Variants in HIPK3 observed in about 807,000 individuals in gnomAD.
The protein encoded by HIPK3 is homeodomain interacting protein kinase 3.
In HIPK3, 47 loss-of-function variants were observed where a neutral mutation model predicts 124.2. The observed-to-expected ratio is 0.38, with a 90% CI of 0.30 to 0.48. HIPK3 has a LOEUF of 0.48. HIPK3 is among the 20% of genes least tolerant of loss of function. The pLI is 0.98. For synonymous variants in HIPK3, 482 were observed against 515.2 expected, an observed-to-expected ratio of 0.94 and a Z score of 0.87; for missense variants, 1,286 against 1,454.3, an observed-to-expected ratio of 0.88 and a Z score of 1.88.
rs746761117 is a variant in HIPK3 at position 33,286,867 on chromosome 11, T to C, written c.453T>C (p.Pro151=). The C allele has an allele frequency of 1.9e-6, 3 of 1,614,204 alleles. No individual in the cohort carries two copies. Among genetic ancestry groups the C allele is most frequent in the East Asian group, 2.2e-5 (1 of 44,886 alleles). ...TTGTCGATGAATTGTCCATACTTCC[T>C]GCAATGTTGCAAACCAACATGGGAA... is the stretch of plus-strand genomic sequence containing the variant. ...MQIVDELSIL[P]AMLQTNMGNP... is the part of the protein sequence containing the mutation. The change falls in exon 2 of 17, where the codon CCT becomes CCC. Residue 151 remains proline, a synonymous_variant. Coordinates refer to ENST00000303296, the MANE Select transcript of HIPK3 (RefSeq NM_005734.5).
chr11:33,286,371 CTTTCCTTTTTTTTCT>C (rs2133901037), intron 1 of HIPK3, 27 bp from the exon 2 acceptor site: 1 of 1,373,194 alleles, frequency 7.3e-7, no homozygotes, highest in African/African-American at 1.5e-5. Context: ...AATATTTCTT[CTTTCCTTTTTTTTCT>C]TTTCCTTTTT....
At chr11:33,276,769 G>A (rs1430629520) in intron 1 of HIPK3, among the ~76,000 whole-genome samples, 2 of 152,082 alleles carry the variant, frequency 1.3e-5, no homozygotes, top group African/African-American at 4.8e-5. Context: ...GCAGTGGCAT[G>A]ATCTTGGCTC....
rs1851805778 is a variant in HIPK3, at chr11:33,295,188, A to T, written c.1097+7677A>T. Among the ~76,000 whole-genome samples, 3 of 152,158 alleles carry T rather than the reference A, an allele frequency of 2.0e-5. No individual in the cohort carries two copies. The South Asian group carries it at 6.2e-4, about 32-fold the overall frequency. On this transcript the variant is annotated intron_variant, in intron 2 of 16. Coordinates refer to ENST00000303296, the MANE Select transcript of HIPK3 (RefSeq NM_005734.5). Reference sequence around the variant, plus strand: ...GAGGATCATAAAATGTGCCAGGACGAGACGCTTTTAGAGGCTGTGCCCAGG... The same window carrying T: ...GAGGATCATAAAATGTGCCAGGACGTGACGCTTTTAGAGGCTGTGCCCAGG...
chr11:33,315,577 T>A (rs1852477832), intron 2 of HIPK3, among the ~76,000 whole-genome samples: 1 of 152,158 alleles, frequency 6.6e-6, no homozygotes, highest in Admixed American at 6.5e-5. Flanking sequence ...TGCCCAGCCT[T>A]GTCTCGAACT....
chr11:33,278,933 T>C (rs1408322762), intron 1 of HIPK3, among the ~76,000 whole-genome samples: 1 of 152,144 alleles, frequency 6.6e-6, no homozygotes, highest in Non-Finnish European at 1.5e-5. Flanking sequence ...AAAATGGAGA[T>C]TTGAACAAAT....
intron 7 of HIPK3, 142 bp downstream of exon 7, chr11:33,341,269 C>T (rs1853325865): frequency 1.7e-6 from 1 of 601,544 alleles, no homozygotes; most frequent in Non-Finnish European, 2.8e-6. Context: ...TACCAAATCT[C>T]TTAAAATTCC....
At chr11:33,300,929 G>C (rs1023025858) in intron 2 of HIPK3, among the ~76,000 whole-genome samples, 1 of 152,062 alleles carries the variant, frequency 6.6e-6, no homozygotes, top group Non-Finnish European at 1.5e-5. Context: ...TAGAGACAGG[G>C]TTTTGCCATG....
At chr11:33,352,455 C>A (rs1251266676) in intron 16 of HIPK3, among the ~76,000 whole-genome samples, 190 bp downstream of exon 16, 1 of 152,184 alleles carries the variant, frequency 6.6e-6, no homozygotes, top group Non-Finnish European at 1.5e-5. Context: ...GAACTTGTAG[C>A]CTTTTTCAGA....
chr11:33,308,992 A>T (rs1852247714), intron 2 of HIPK3, among the ~76,000 whole-genome samples: 1 of 152,124 alleles, frequency 6.6e-6, no homozygotes. Flanking sequence ...TAAAATAAAA[A>T]GGATGGATTT....
intron 1 of HIPK3, among the ~76,000 whole-genome samples, chr11:33,280,032 G>T (rs1429717928): frequency 6.6e-6 from 1 of 152,124 alleles, no homozygotes; most frequent in Non-Finnish European, 1.5e-5. Flanking sequence ...CTGAGGGGAG[G>T]TGGGGGGGAC....
chr11:33,262,735 A>G (rs1048657762), intron 1 of HIPK3, among the ~76,000 whole-genome samples: 3 of 151,886 alleles, frequency 2.0e-5, no homozygotes, highest in South Asian at 4.2e-4. Flanking sequence ...TTGACCTTAA[A>G]TGTATTTTGT....
chr11:33,269,633 TTCTTC>T (rs1221920663), intron 1 of HIPK3, among the ~76,000 whole-genome samples: 1 of 152,152 alleles, frequency 6.6e-6, no homozygotes, highest in Non-Finnish European at 1.5e-5. Flanking sequence ...CTTTTTCTGT[TTCTTC>T]TAAACTTCTT....
At chr11:33,282,180 A>G (rs1851428489) in intron 1 of HIPK3, among the ~76,000 whole-genome samples, 1 of 151,520 alleles carries the variant, frequency 6.6e-6, no homozygotes, top group African/African-American at 2.4e-5. Context: ...TGAACCCAGG[A>G]GTTCGAGACC....
intron 2 of HIPK3, among the ~76,000 whole-genome samples, chr11:33,309,414 A>AG (rs1393947170): frequency 3.9e-5 from 6 of 152,206 alleles, no homozygotes; most frequent in African/African-American, 1.4e-4. Flanking sequence ...CACCCAGCCC[A>AG]AACTTGCTTA....
chr11:33,276,220 C>T (rs1851265237), intron 1 of HIPK3, among the ~76,000 whole-genome samples: 1 of 151,642 alleles, frequency 6.6e-6, no homozygotes, highest in South Asian at 2.1e-4. Context: ...CAGGCATGTC[C>T]CTTTAACTCT....
upstream of HIPK3, chr11:33,256,851 C>G (rs1193010257): frequency 4.0e-6 from 1 of 251,972 alleles, no homozygotes; most frequent in Non-Finnish European, 6.3e-6. Context: ...CTTTACAATT[C>G]TCTTCACTCT....
At chr11:33,313,548 AG>A (rs1288464279) in intron 2 of HIPK3, among the ~76,000 whole-genome samples, 2 of 152,226 alleles carry the variant, frequency 1.3e-5, no homozygotes, top group Non-Finnish European at 2.9e-5. Flanking sequence ...AGGCAAATGG[AG>A]TAAAGTGTTA....
intron 4 of HIPK3, 54 bp from the exon 5 acceptor site, chr11:33,338,703 A>G: frequency 1.0e-5 from 12 of 1,157,216 alleles, no homozygotes; most frequent in Non-Finnish European, 1.4e-5. Context: ...ATGTGCCAGG[A>G]TTAAAGAAAT....
At position 33,356,118 on chromosome 11, in the gene HIPK3, G is replaced by T. The variant is rs1853810461; in HGVS notation, c.*2550G>T. Reference sequence around the variant, plus strand: ...GAGTTTTCTTTTTGTTTAGGGCCATGTTTACTACCCTGAAATGTTGTATTT... The same window carrying T: ...GAGTTTTCTTTTTGTTTAGGGCCATTTTTACTACCCTGAAATGTTGTATTT... On this transcript the variant is annotated 3_prime_UTR_variant, in exon 17 of 17. Coordinates refer to ENST00000303296, the MANE Select transcript of HIPK3 (RefSeq NM_005734.5). 6.6e-6 allele frequency: 1 copy of T among 151,924 alleles called. No homozygotes were observed. The highest frequency in any genetic ancestry group is 6.6e-5 in the Admixed American group (1 of 15,256). The allele number at this position is 151,924 out of a possible 1,614,324, so 9.4% of individuals were successfully genotyped here.
Sources: gnomAD v4.1 joint callset for allele counts (sites outside exome capture counted in the v4.1 genomes callset) on GRCh38, gnomAD v4.1.1 for gene constraint, MANE v1.5 for transcripts, NCBI Gene and HGNC (gene_info 2026-07-23, HGNC 2026-07-21) for gene names.